Variants in TMEM135 observed in about 807,000 individuals in gnomAD.
TMEM135 encodes the protein peroxisomal membrane protein 52.
Under a neutral mutation model 60.3 loss-of-function variants are expected in TMEM135, and 30 were observed. The ratio of observed to expected loss-of-function variants is 0.50; its 90% confidence interval spans 0.37 to 0.68. TMEM135 has a LOEUF of 0.68. Among genes scored for constraint, TMEM135 ranks in the 30% least tolerant of loss-of-function variants. The pLI is 0.00. For missense variants in TMEM135, 468 were observed against 548.8 expected (o/e 0.85, Z 1.47); for synonymous variants, 190 against 186.7 (o/e 1.02, Z -0.14).
intron 5 of TMEM135, among the ~76,000 whole-genome samples, chr11:87,209,059 A>G (rs2135340591): frequency 6.6e-6 from 1 of 152,324 alleles, no homozygotes; most frequent in Non-Finnish European, 1.5e-5. Context: ...TCCTAGAGGG[A>G]GTACTAAACA....
chr11:87,280,616 G>C (rs1375233823), intron 6 of TMEM135, among the ~76,000 whole-genome samples: 1 of 152,030 alleles, frequency 6.6e-6, no homozygotes, highest in Non-Finnish European at 1.5e-5. Flanking sequence ...AGACACACTT[G>C]CTTTGTGCTC....
At position 87,180,357 on chromosome 11, in the gene TMEM135, C is replaced by T. The variant is rs1373689640; in HGVS notation, c.462+22951C>T. On this transcript the variant is annotated intron_variant, in intron 5 of 14. Coordinates refer to ENST00000305494, the MANE Select transcript of TMEM135 (RefSeq NM_022918.4). ...TATCTGTTAGTTTTTGCTTTTTTCC[C>T]CCCTTTCTTGCCACTTCTCCCCAAG... Among the ~76,000 whole-genome samples the T allele has an allele frequency of 2.0e-5, 3 of 152,072 alleles. No individual in the cohort carries two copies. In the East Asian group the frequency reaches 5.8e-4, roughly 29 times the overall value.
chr11:87,280,397 T>C (rs1942039374), intron 6 of TMEM135, among the ~76,000 whole-genome samples: 1 of 152,208 alleles, frequency 6.6e-6, no homozygotes, highest in Non-Finnish European at 1.5e-5. Context: ...GTTTTTGGCA[T>C]GGTGTGACAT....
At chr11:87,128,062 C>T (rs937484692) in intron 4 of TMEM135, among the ~76,000 whole-genome samples, 2 of 152,078 alleles carry the variant, frequency 1.3e-5, no homozygotes, top group Non-Finnish European at 2.9e-5. Context: ...TTTGGTCCAA[C>T]TCTAGTTATT....
At position 87,275,469 on chromosome 11, in the gene TMEM135, G is replaced by A. The variant is rs183973377; in HGVS notation, c.510-20313G>A. On this transcript the variant is annotated intron_variant, in intron 6 of 14. Coordinates refer to ENST00000305494, the MANE Select transcript of TMEM135 (RefSeq NM_022918.4). ...TAAAGAGGTTGAATTTTGATACCCT[G>A]TTGCCAAAAATTAAAAAAAAAATAA... is the stretch of plus-strand genomic sequence containing the variant. Among the ~76,000 whole-genome samples the A allele has an allele frequency of 4.6e-5, 7 of 151,616 alleles. No homozygotes were observed. In the East Asian group the frequency reaches 1.2e-3, roughly 25 times the overall value.
chr11:87,200,481 A>T (rs904952397), intron 5 of TMEM135, among the ~76,000 whole-genome samples: 2 of 152,150 alleles, frequency 1.3e-5, no homozygotes, highest in Non-Finnish European at 2.9e-5. Context: ...TAGGTGGAAA[A>T]TAGAGAAACT....
At chr11:87,099,471 G>A (rs1857402903) in intron 4 of TMEM135, among the ~76,000 whole-genome samples, 1 of 151,860 alleles carries the variant, frequency 6.6e-6, no homozygotes, top group Non-Finnish European at 1.5e-5. Context: ...ATATTTAATT[G>A]ATACAGTCAG....
At chr11:87,101,740 C>T (rs748347706) in intron 4 of TMEM135, among the ~76,000 whole-genome samples, 5 of 152,156 alleles carry the variant, frequency 3.3e-5, no homozygotes, top group Admixed American at 6.5e-5. Context: ...TTTGGGAGGC[C>T]GAGGCGGGCA....
intron 5 of TMEM135, among the ~76,000 whole-genome samples, chr11:87,210,953 A>G (rs1268962897): frequency 6.6e-6 from 1 of 152,206 alleles, no homozygotes; most frequent in Non-Finnish European, 1.5e-5. Flanking sequence ...ATATCACTTC[A>G]TGCTAAAAAC....
chr11:87,235,075 A>G (rs1442682759), intron 5 of TMEM135, among the ~76,000 whole-genome samples: 6 of 151,998 alleles, frequency 3.9e-5, no homozygotes, highest in Admixed American at 3.9e-4. Flanking sequence ...GAAATTTAAA[A>G]AAATTGAGTG....
At chr11:87,054,014 A>C (rs1380607837) in intron 1 of TMEM135, among the ~76,000 whole-genome samples, 1 of 152,268 alleles carries the variant, frequency 6.6e-6, no homozygotes, top group Non-Finnish European at 1.5e-5. Context: ...GAGTCAAGTT[A>C]GTATGGTGAA....
At chr11:87,284,551 A>G (rs1942128975) in intron 6 of TMEM135, among the ~76,000 whole-genome samples, 1 of 152,216 alleles carries the variant, frequency 6.6e-6, no homozygotes, top group Non-Finnish European at 1.5e-5. Flanking sequence ...ATCTCACTTG[A>G]TTACCCATAA....
rs370521959 is a variant in TMEM135, at chr11:87,067,956, G to C, written c.269+135G>C. On this transcript the variant is annotated intron_variant, in intron 2 of 14. Transcript: ENST00000305494. Reference sequence around the variant, plus strand: ...TTTTAATCTGTGAAGTGACATTTATGTCAATGAAAGCTTGTAAAACCAGGA... The same window carrying C: ...TTTTAATCTGTGAAGTGACATTTATCTCAATGAAAGCTTGTAAAACCAGGA... The C allele has an allele frequency of 2.2e-5, 24 of 1,090,276 alleles. No homozygotes were observed. In the African/African-American group the frequency reaches 3.6e-4, roughly 17 times the overall value. The allele number at this position is 1,090,276 out of a possible 1,614,324, so 67.5% of individuals were successfully genotyped here.
intron 1 of TMEM135, among the ~76,000 whole-genome samples, chr11:87,060,309 C>T (rs141617284): frequency 9.9e-5 from 15 of 152,030 alleles, no homozygotes; most frequent in Admixed American, 2.0e-4. Flanking sequence ...AGTTTCTAGC[C>T]CCTGAGTCAT....
At chr11:87,306,430 T>G (rs1031840271) in intron 9 of TMEM135, among the ~76,000 whole-genome samples, 15 of 152,236 alleles carry the variant, frequency 9.9e-5, no homozygotes, top group Non-Finnish European at 1.9e-4. Flanking sequence ...GTGCCAAGTC[T>G]GTTACAATGG....
chr11:87,136,414 A>T (rs1938101988), intron 4 of TMEM135, among the ~76,000 whole-genome samples: 1 of 152,028 alleles, frequency 6.6e-6, no homozygotes, highest in African/African-American at 2.4e-5. Flanking sequence ...AGATTTTCTT[A>T]AGAACATTTA....
At chr11:87,060,541 A>G (rs2001411) in intron 1 of TMEM135, among the ~76,000 whole-genome samples, 47,713 of 152,118 alleles carry the variant, frequency 0.31, 8,864 homozygotes, top group East Asian at 0.59. Context: ...TTTGACTTCA[A>G]CATCAATTGG....
chr11:87,063,888 T>G (rs1011907585), intron 1 of TMEM135, among the ~76,000 whole-genome samples: 2 of 152,226 alleles, frequency 1.3e-5, no homozygotes, highest in African/African-American at 4.8e-5. Flanking sequence ...TTACAGTATT[T>G]GTAATGACAG....
intron 5 of TMEM135, among the ~76,000 whole-genome samples, chr11:87,184,503 G>A (rs1407032007): frequency 1.1e-4 from 16 of 152,112 alleles, no homozygotes; most frequent in Non-Finnish European, 2.1e-4. Context: ...AATACATAGT[G>A]AATTTTAGAA....
Sources: allele counts gnomAD v4.1 joint callset (sites outside exome capture counted in the v4.1 genomes callset), GRCh38; gene constraint gnomAD v4.1.1; transcripts MANE v1.5; gene names NCBI Gene and HGNC (gene_info 2026-07-23, HGNC 2026-07-21).